GALNT3: variants seen among roughly 807,000 people sequenced by gnomAD.
The protein encoded by GALNT3 is GalNAc transferase 3.
In GALNT3, 51 loss-of-function variants were observed where a neutral mutation model predicts 69.8. The observed-to-expected ratio is 0.73, with a 90% confidence interval of 0.58 to 0.92. GALNT3 has a LOEUF of 0.92. GALNT3 is among the 40% of genes least tolerant of loss of function. The probability of loss-of-function intolerance (pLI) is 0.00; values close to 1 mark genes in which losing one functional copy is unlikely to be tolerated. For synonymous variants in GALNT3, 265 were observed against 248.5 expected (o/e 1.07, Z -0.63); for missense variants, 711 against 760.0 (o/e 0.94, Z 0.76).
At chr2:165,788,493 G>A (rs1159476537) in intron 1 of GALNT3, among the ~76,000 whole-genome samples, 1 of 150,146 alleles carries the variant, frequency 6.7e-6, no homozygotes, top group South Asian at 2.1e-4. Context: ...GTGTGTGTGT[G>A]TGTGTGTGTG....
Position 165,749,825 on chromosome 2 carries a change from G to A in GALNT3, c.1696C>T (p.Gln566Ter), listed in dbSNP as rs571016917. The A allele has an allele frequency of 6.2e-6, 10 of 1,613,612 alleles. No homozygotes were observed. In the East Asian group the frequency reaches 1.8e-4, roughly 29 times the overall value. ...CATGCCTTCAGCTGAACGAGACCTT[G>A]AGCAGCATGAAGACATAATTCCTTC... is the stretch of plus-strand genomic sequence containing the variant. Reference protein sequence around the residue: ...IQKELCLHAAQGLVQLKACTY... With the variant: ...IQKELCLHAA Residue 566 changes from glutamine (Q) to a stop codon, truncating the protein, a stop_gained, in exon 10 of 11, where the codon CAA becomes TAA. Coordinates refer to ENST00000392701, the MANE Select transcript of GALNT3 (RefSeq NM_004482.4). LOFTEE classifies it high-confidence loss of function.
At chr2:165,765,895 A>G (rs6754164) in intron 2 of GALNT3, among the ~76,000 whole-genome samples, 151,735 of 152,350 alleles carry the variant, frequency 1, 75,563 homozygotes, top group Middle Eastern at 1. Context: ...TACTTAATCT[A>G]TACACAGAAT....
intron 1 of GALNT3, among the ~76,000 whole-genome samples, chr2:165,776,708 G>GA (rs1682961490): frequency 6.6e-6 from 1 of 152,068 alleles, no homozygotes; most frequent in Admixed American, 6.6e-5. Context: ...TTCATAAAGT[G>GA]AAAAGCTAAA....
At chr2:165,760,582 T>A (rs1688527765) in intron 4 of GALNT3, among the ~76,000 whole-genome samples, 4 of 152,178 alleles carry the variant, frequency 2.6e-5, no homozygotes, top group Admixed American at 2.6e-4. Context: ...TACCAGAGGA[T>A]GGTATTTTCC....
At chr2:165,761,631 A>T in intron 4 of GALNT3, 6 of 612,512 alleles carry the variant, frequency 9.8e-6, no homozygotes, top group East Asian at 8.5e-5. Flanking sequence ...AAAAAAAAAG[A>T]GGCAAGGATA....
At chr2:165,792,240 A>G (rs1383212592) in intron 1 of GALNT3, among the ~76,000 whole-genome samples, 1 of 152,228 alleles carries the variant, frequency 6.6e-6, no homozygotes, top group East Asian at 1.9e-4. Context: ...TATTTTTCCT[A>G]TTTAACAGAT....
intron 9 of GALNT3, among the ~76,000 whole-genome samples, chr2:165,753,832 T>G (rs899694459): frequency 6.6e-6 from 1 of 152,206 alleles, no homozygotes; most frequent in African/African-American, 2.4e-5. Context: ...TCCTCTTTTG[T>G]TGGAGAAGGA....
At chr2:165,765,186 T>G (rs1688616849) in intron 2 of GALNT3, 130 bp from the exon 3 acceptor site, 1 of 819,352 alleles carries the variant, frequency 1.2e-6, no homozygotes, top group South Asian at 1.6e-5. Context: ...GTATGTGATA[T>G]AATCTCAATG....
intron 1 of GALNT3, among the ~76,000 whole-genome samples, chr2:165,788,707 T>C (rs1683282012): frequency 6.6e-6 from 1 of 151,402 alleles, no homozygotes; most frequent in Admixed American, 6.6e-5. Context: ...GGAAAGGCAC[T>C]CTCTGCAGTG....
chr2:165,775,932 G>T (rs1324979579), intron 1 of GALNT3, among the ~76,000 whole-genome samples: 1 of 152,102 alleles, frequency 6.6e-6, no homozygotes, highest in African/African-American at 2.4e-5. Context: ...TGATGTAAAT[G>T]AATAGAAGTT....
chr2:165,753,074 C>T (rs1254576692), intron 9 of GALNT3, among the ~76,000 whole-genome samples: 1 of 152,128 alleles, frequency 6.6e-6, no homozygotes, highest in Non-Finnish European at 1.5e-5. Context: ...ATCATCTGCC[C>T]TCAGTAGATT....
At chr2:165,769,299 G>C (rs1008139663) in intron 2 of GALNT3, among the ~76,000 whole-genome samples, 1 of 147,504 alleles carries the variant, frequency 6.8e-6, no homozygotes, top group African/African-American at 2.5e-5. Flanking sequence ...CCAGCTGCTC[G>C]GGAGCCTGAC....
intron 2 of GALNT3, among the ~76,000 whole-genome samples, chr2:165,768,691 A>C (rs1688691978): frequency 1.3e-5 from 2 of 152,150 alleles, no homozygotes; most frequent in Admixed American, 1.3e-4. Context: ...AATAGACCAA[A>C]AGTTATCTTC....
At position 165,762,893 on chromosome 2, in the gene GALNT3, A is replaced by G. The variant is rs202055798; in HGVS notation, c.689-839T>C. ...CAACCTCCGCCTCTGGGCTGCAAGC[A>G]GTTTTCCTCAGCTTCCCAAGTAGCT... On this transcript the variant is annotated intron_variant, in intron 3 of 10. Transcript: ENST00000392701. Among the ~76,000 whole-genome samples, 35 of 152,194 alleles carry G rather than the reference A, an allele frequency of 2.3e-4. No homozygotes were observed. In the East Asian group the frequency reaches 5.8e-3, roughly 25 times the overall value.
At chr2:165,765,125 G>T in intron 2 of GALNT3, 69 bp from the exon 3 acceptor site, 1 of 1,254,426 alleles carries the variant, frequency 8.0e-7, no homozygotes, top group Non-Finnish European at 1.2e-6. Context: ...CTATACCATT[G>T]CTAACATTAT....
In GALNT3 at chr2:165,754,740, T is replaced by G. The variant is rs1053144893; in HGVS notation, c.1525-12A>C. On this transcript the variant is annotated splice_polypyrimidine_tract_variant and intron_variant, in intron 8 of 10. Transcript: ENST00000392701. ...CCAACGCTTTTAATCTAAAGGAAAA[T>G]TTTCAAGTTATGAAAAGTTTTTTAA... 4 of 1,600,224 alleles carry G rather than the reference T, an allele frequency of 2.5e-6. No individual in the cohort carries two copies. The highest frequency in any genetic ancestry group is 3.4e-6 in the Non-Finnish European group (4 of 1,170,094).
In GALNT3 at chr2:165,769,321, G is replaced by A. The variant is rs140576208; in HGVS notation, c.515+865C>T. On this transcript the variant is annotated intron_variant, in intron 2 of 10. Transcript: ENST00000392701. ...CTCGGGAGCCTGACACTGGAGAATC[G>A]CTTGAACCCAGGAGGCAGAGGTTGC... Among the ~76,000 whole-genome samples, 227 of 148,190 alleles carry A rather than the reference G, an allele frequency of 1.5e-3. 3 individuals carry two copies. In the East Asian group the frequency reaches 0.036, roughly 24 times the overall value.
At chr2:165,768,892 T>C (rs1688696857) in intron 2 of GALNT3, among the ~76,000 whole-genome samples, 1 of 150,754 alleles carries the variant, frequency 6.6e-6, no homozygotes, top group African/African-American at 2.4e-5. Flanking sequence ...GCCCCCAGGT[T>C]CAAGCAATTC....
intron 1 of GALNT3, chr2:165,771,590 C>G (rs1688754203): frequency 6.6e-6 from 1 of 151,974 alleles, no homozygotes; most frequent in Non-Finnish European, 1.5e-5. Flanking sequence ...AAGAACAGGA[C>G]AGCAAGTTTA....
Sources: gnomAD v4.1 joint callset for allele counts (sites outside exome capture counted in the v4.1 genomes callset) on GRCh38, gnomAD v4.1.1 for gene constraint, MANE v1.5 for transcripts, NCBI Gene and HGNC (gene_info 2026-07-23, HGNC 2026-07-21) for gene names.